NTNG1: variants seen among roughly 807,000 people sequenced by gnomAD.
The protein encoded by NTNG1 is netrin G1.
A neutral mutation model predicts 54.0 loss-of-function variants in NTNG1; 16 were observed. That is an observed-to-expected ratio of 0.30 (90% CI 0.20 to 0.45). The LOEUF is 0.45. NTNG1 is among the 20% of genes least tolerant of loss of function. NTNG1 has a pLI of 1.00. For missense variants in NTNG1, 530 were observed against 678.7 expected (o/e 0.78, Z 2.43); for synonymous variants, 255 against 263.1 (o/e 0.97, Z 0.30).
chr1:107,199,014 A>G (rs1658536683), intron 2 of NTNG1, among the ~76,000 whole-genome samples: 2 of 149,152 alleles, frequency 1.3e-5, no homozygotes, highest in East Asian at 2.0e-4. Flanking sequence ...TGAAATTGCT[A>G]TTTTTTTTTT....
At chr1:107,322,937 A>G (rs1403349631) in intron 2 of NTNG1, among the ~76,000 whole-genome samples, 1 of 152,050 alleles carries the variant, frequency 6.6e-6, no homozygotes, top group Non-Finnish European at 1.5e-5. Context: ...TTAGCTGACT[A>G]GGTAGGAGAA....
At chr1:107,293,057 G>A (rs1482914400) in intron 2 of NTNG1, among the ~76,000 whole-genome samples, 1 of 152,120 alleles carries the variant, frequency 6.6e-6, no homozygotes, top group Non-Finnish European at 1.5e-5. Context: ...ATTCACTGCT[G>A]ATAACACTAT....
At chr1:107,447,202 G>A (rs1000378879) in intron 7 of NTNG1, among the ~76,000 whole-genome samples, 4 of 151,890 alleles carry the variant, frequency 2.6e-5, no homozygotes, top group African/African-American at 9.7e-5. Flanking sequence ...TTTTTAATTA[G>A]TATTGTTGAC....
intron 5 of NTNG1, among the ~76,000 whole-genome samples, chr1:107,415,598 G>A (rs1200419326): frequency 1.3e-5 from 2 of 151,990 alleles, no homozygotes; most frequent in Non-Finnish European, 2.9e-5. Flanking sequence ...AGTGCCCTTT[G>A]CCTTGTAACA....
intron 2 of NTNG1, among the ~76,000 whole-genome samples, chr1:107,199,668 T>C (rs1658588077): frequency 6.6e-6 from 1 of 151,856 alleles, no homozygotes; most frequent in Admixed American, 6.6e-5. Flanking sequence ...AACTGATTTA[T>C]TCATCAGAAA....
chr1:107,428,005 G>C (rs1170285726), intron 5 of NTNG1, among the ~76,000 whole-genome samples: 1 of 152,062 alleles, frequency 6.6e-6, no homozygotes, highest in African/African-American at 2.4e-5. Flanking sequence ...GTATCTTACA[G>C]ATTTGGTTTT....
chr1:107,415,907 T>C (rs1674165717), intron 5 of NTNG1, among the ~76,000 whole-genome samples: 1 of 152,172 alleles, frequency 6.6e-6, no homozygotes, highest in South Asian at 2.1e-4. Context: ...ATGTTAGTAA[T>C]ATTTGTCGAG....
intron 7 of NTNG1, among the ~76,000 whole-genome samples, chr1:107,439,771 A>G (rs1675851057): frequency 6.6e-6 from 1 of 152,068 alleles, no homozygotes; most frequent in South Asian, 2.1e-4. Flanking sequence ...AAGGATCAGC[A>G]ATAACGGGGT....
chr1:107,338,450 C>T (rs571669305), intron 3 of NTNG1, among the ~76,000 whole-genome samples: 134 of 152,038 alleles, frequency 8.8e-4, no homozygotes, highest in Non-Finnish European at 1.6e-3. Flanking sequence ...AGGTCTGCTG[C>T]TGCAAGCCTG....
At chr1:107,356,859 C>T (rs951805220) in intron 3 of NTNG1, among the ~76,000 whole-genome samples, 4 of 152,022 alleles carry the variant, frequency 2.6e-5, no homozygotes, top group Admixed American at 1.3e-4. Flanking sequence ...AAAAGTTAGC[C>T]GGGCATGTTG....
intron 1 of NTNG1, among the ~76,000 whole-genome samples, chr1:107,146,346 C>A (rs958128718): frequency 2.0e-5 from 3 of 152,000 alleles, no homozygotes; most frequent in African/African-American, 7.2e-5. Context: ...CTTATAAAAA[C>A]TAGTAAACAC....
chr1:107,144,590 C>G (rs908930765), intron 1 of NTNG1, among the ~76,000 whole-genome samples: 1 of 150,468 alleles, frequency 6.6e-6, no homozygotes, highest in Non-Finnish European at 1.5e-5. Context: ...CTTTTTTTTT[C>G]TGGTGAAAGA....
At chr1:107,188,066 T>TA (rs1289015954) in intron 2 of NTNG1, among the ~76,000 whole-genome samples, 1 of 151,904 alleles carries the variant, frequency 6.6e-6, no homozygotes, top group African/African-American at 2.4e-5. Context: ...TAGGCATTTT[T>TA]TTTTGACAAC....
chr1:107,212,851 A>C (rs1337862451), intron 2 of NTNG1, among the ~76,000 whole-genome samples: 1 of 152,066 alleles, frequency 6.6e-6, no homozygotes, highest in African/African-American at 2.4e-5. Flanking sequence ...TGCTCAGTAT[A>C]TATCCAGCCT....
chr1:107,406,589 G>A (rs1000312712), intron 4 of NTNG1, among the ~76,000 whole-genome samples: 7 of 151,888 alleles, frequency 4.6e-5, no homozygotes, highest in African/African-American at 1.5e-4. Context: ...GCTTTCCATC[G>A]CATGCTCTCC....
intron 2 of NTNG1, among the ~76,000 whole-genome samples, chr1:107,161,895 CACAT>C (rs1655432576): frequency 1.3e-5 from 2 of 150,862 alleles, no homozygotes; most frequent in South Asian, 4.2e-4. Context: ...TCAAAAATAA[CACAT>C]ACTTTTGATT....
chr1:107,353,682 A>G (rs953804872), intron 3 of NTNG1, among the ~76,000 whole-genome samples: 1 of 151,980 alleles, frequency 6.6e-6, no homozygotes, highest in Non-Finnish European at 1.5e-5. Context: ...GCAATGCCCC[A>G]CTCCTGAATA....
At chr1:107,469,615 C>T (rs1677848700) in intron 7 of NTNG1, among the ~76,000 whole-genome samples, 1 of 152,062 alleles carries the variant, frequency 6.6e-6, no homozygotes, top group Admixed American at 6.5e-5. Context: ...CCCCACCATG[C>T]CCAGCTAATT....
chr1:107,223,110 T>G (rs1339912187), intron 2 of NTNG1, among the ~76,000 whole-genome samples: 1 of 152,136 alleles, frequency 6.6e-6, no homozygotes, highest in Non-Finnish European at 1.5e-5. Flanking sequence ...TGTGGTGGAA[T>G]ATGCATTTTG....
Sources: gnomAD v4.1 joint callset for allele counts (sites outside exome capture counted in the v4.1 genomes callset) on GRCh38, gnomAD v4.1.1 for gene constraint, MANE v1.5 for transcripts, NCBI Gene and HGNC (gene_info 2026-07-23, HGNC 2026-07-21) for gene names.